PTPRB: variants seen among roughly 807,000 people sequenced by gnomAD.
The protein encoded by PTPRB is receptor-type tyrosine-protein phosphatase beta.
PTPRB carries 97 observed loss-of-function variants against 238.1 expected under a neutral mutation model. The ratio of observed to expected loss-of-function variants is 0.41; its 90% CI spans 0.35 to 0.48. PTPRB has a LOEUF of 0.48. PTPRB is among the 20% of genes least tolerant of loss of function. The pLI is 0.30. For synonymous variants in PTPRB, 970 were observed against 995.4 expected (o/e 0.97, Z 0.48); for missense variants, 2,292 against 2,681.9 (o/e 0.85, Z 3.21).
rs1223456122 is a variant in PTPRB at position 70,518,528 on chromosome 12, T to TA, written c.*2960dup. The stretch of plus-strand genomic sequence containing the variant: ...TATAAAAGATAATATGAACAGTAGA[T>TA]AAAAATCACATTCAACTGGGAAAAC... On this transcript the variant is annotated 3_prime_UTR_variant, in exon 34 of 34. Transcript: ENST00000334414. 1.3e-5 allele frequency: 2 copies of TA among 152,128 alleles called. No individual in the cohort carries two copies. Among genetic ancestry groups the TA allele is most frequent in the Non-Finnish European group, 2.9e-5 (2 of 68,036 alleles). 9.4% of individuals were successfully genotyped at this position (152,128 alleles called of 1,614,324 possible).
intron 2 of PTPRB, among the ~76,000 whole-genome samples, chr12:70,625,542 G>A (rs1338991905): frequency 3.4e-5 from 5 of 147,648 alleles, no homozygotes; most frequent in Admixed American, 6.8e-5. Flanking sequence ...AAATATATAA[G>A]ATGATTAAGT....
At chr12:70,532,730 C>G (rs1483186463) in intron 31 of PTPRB, among the ~76,000 whole-genome samples, 1 of 152,048 alleles carries the variant, frequency 6.6e-6, no homozygotes, top group African/African-American at 2.4e-5. Context: ...CAGCCTCGAC[C>G]TCCCAGGTTC....
In PTPRB at chr12:70,548,338, TCTCTCTCTCACACACACACA is replaced by T. The variant is rs1409089074; in HGVS notation, c.5388-3695_5388-3676del. Among the ~76,000 whole-genome samples, 21 of 38,424 alleles carry T rather than the reference TCTCTCTCTCACACACACACA, an allele frequency of 5.5e-4. 1 individual carries two copies. The East Asian group carries it at 0.013, about 24-fold the overall frequency. 25.2% of individuals were successfully genotyped at this position (38,424 alleles called of 152,430 possible). A position where few individuals can be genotyped will look rare whatever the true frequency, so the allele number is the denominator to read the frequency against. ...GCAAGACTCTCTCTCTCTCTCTCTC[TCTCTCTCTCACACACACACA>T]CACACACACACACACACACACACAC... is the stretch of plus-strand genomic sequence containing the variant. On this transcript the variant is annotated intron_variant, in intron 21 of 33. Coordinates refer to ENST00000334414, the MANE Select transcript of PTPRB (RefSeq NM_001109754.4).
At chr12:70,524,326 G>C (rs1872023806) in intron 33 of PTPRB, 145 bp downstream of exon 33, 1 of 818,606 alleles carries the variant, frequency 1.2e-6, no homozygotes, top group Non-Finnish European at 1.8e-6. Context: ...TGTTGCCCAG[G>C]CTGGTTTCAA....
rs759378099 is a variant in PTPRB, at chr12:70,524,492, C to T, written c.6604G>A (p.Val2202Met). ...ENPLFPIYEN[V>M]NPEYHRDPVY... ...CCACCTCTGTGATACTCTGGATTCA[C>T]ATTTTCATAGATTGGAAACAAGGGG... is the stretch of plus-strand genomic sequence containing the variant. Residue 2202 changes from valine (V) to methionine (M), a missense_variant, in exon 33 of 34, where the codon GTG (valine) becomes ATG (methionine). Coordinates refer to ENST00000334414, the MANE Select transcript of PTPRB (RefSeq NM_001109754.4). The T allele has an allele frequency of 1.9e-6, 3 of 1,612,156 alleles. No homozygotes were observed. Among genetic ancestry groups the T allele is most frequent in the Middle Eastern group, 1.7e-4 (1 of 6,056 alleles).
intron 9 of PTPRB, 70 bp downstream of exon 9, chr12:70,586,937 T>C: frequency 4.1e-6 from 6 of 1,455,006 alleles, no homozygotes; most frequent in Admixed American, 1.9e-5. Flanking sequence ...TGAATACTTG[T>C]AAATTGCATG....
intron 2 of PTPRB, among the ~76,000 whole-genome samples, chr12:70,627,488 A>G (rs2136596378): frequency 6.6e-6 from 1 of 152,310 alleles, no homozygotes; most frequent in East Asian, 1.9e-4. Context: ...ATTAGGAAAA[A>G]TGACAATTTT....
At chr12:70,557,460 CTCTT>C (rs1251113002) in intron 18 of PTPRB, among the ~76,000 whole-genome samples, 1 of 152,210 alleles carries the variant, frequency 6.6e-6, no homozygotes, top group Non-Finnish European at 1.5e-5. Flanking sequence ...CACTGAGTCT[CTCTT>C]TCATGGCAGT....
chr12:70,582,994 A>AT (rs1440763018), intron 9 of PTPRB, among the ~76,000 whole-genome samples: 4 of 152,196 alleles, frequency 2.6e-5, no homozygotes, highest in Admixed American at 6.5e-5. Flanking sequence ...ATGAGCTATC[A>AT]TTATCTTATT....
At chr12:70,625,687 T>C (rs1885142893) in intron 2 of PTPRB, among the ~76,000 whole-genome samples, 1 of 152,164 alleles carries the variant, frequency 6.6e-6, no homozygotes, top group Admixed American at 6.5e-5. Flanking sequence ...TGTTTCACAG[T>C]TCATGGAATA....
rs920814399 is a variant in PTPRB at position 70,539,118 on chromosome 12, C to T, written c.5779-104G>A. 9.8e-6 allele frequency: 9 copies of T among 917,874 alleles called. No individual in the cohort carries two copies. In the African/African-American group the frequency reaches 9.8e-5, roughly 10 times the overall value. The allele number at this position is 917,874 out of a possible 1,614,324, so 56.9% of individuals were successfully genotyped here. On this transcript the variant is annotated intron_variant, in intron 26 of 33. Transcript: ENST00000334414. ...AATAACATGAAAATATATACACTAG[C>T]TATTGTTTATGAATGCCTAGTACTC...
chr12:70,539,363 T>G (rs1400311813), intron 26 of PTPRB: 3 of 547,248 alleles, frequency 5.5e-6, no homozygotes, highest in Non-Finnish European at 9.7e-6. Flanking sequence ...AGGTCTGCAT[T>G]TGAGATTTGT....
At chr12:70,537,571 G>T (rs1186051409) in intron 28 of PTPRB, among the ~76,000 whole-genome samples, 1 of 152,152 alleles carries the variant, frequency 6.6e-6, no homozygotes, top group Non-Finnish European at 1.5e-5. Flanking sequence ...GTTGCTTGAG[G>T]TATGAGGTAA....
rs1177239083 is a variant in PTPRB, at chr12:70,536,005, C to T, written c.6081+20G>A. On this transcript the variant is annotated intron_variant, in intron 29 of 33. Transcript: ENST00000334414. ...GTGGCAGAAAGCAAAGCTTTGATGC[C>T]AGGAAGGCTGTTTACTCACTCGGCC... The T allele has an allele frequency of 2.5e-6, 4 of 1,610,348 alleles. No individual in the cohort carries two copies. Among genetic ancestry groups the T allele is most frequent in the Non-Finnish European group, 1.7e-6 (2 of 1,178,210 alleles).
intron 2 of PTPRB, among the ~76,000 whole-genome samples, chr12:70,626,307 C>CTATG: frequency 8.8e-6 from 1 of 113,972 alleles, no homozygotes; most frequent in South Asian, 2.8e-4. Flanking sequence ...ATCTATCTAT[C>CTATG]TATCTATCTA....
At chr12:70,567,806 C>T (rs1879498676) in intron 14 of PTPRB, among the ~76,000 whole-genome samples, 1 of 152,160 alleles carries the variant, frequency 6.6e-6, no homozygotes, top group African/African-American at 2.4e-5. Flanking sequence ...GATTTGGTCT[C>T]TCTACTTACC....
rs74101506 is a variant in PTPRB, at chr12:70,613,136, A to G, written c.709-3797T>C. ...CTTTGGACAGGGGTTTGAACTGGAC[A>G]TGGGGATGAGGGGCAGTGGTGTTGG... On this transcript the variant is annotated intron_variant, in intron 3 of 33. Coordinates refer to ENST00000334414, the MANE Select transcript of PTPRB (RefSeq NM_001109754.4). 7.0e-3 allele frequency among the ~76,000 whole-genome samples: 1,062 copies of G among 152,192 alleles called. 9 individuals are homozygous for G. Among genetic ancestry groups the G allele is most frequent in the African/African-American group, 0.024 (997 of 41,538 alleles).
intron 1 of PTPRB, among the ~76,000 whole-genome samples, chr12:70,636,399 T>C (rs1374648456): frequency 6.6e-6 from 1 of 151,924 alleles, no homozygotes; most frequent in African/African-American, 2.4e-5. Context: ...TAGTATATTT[T>C]AGCCCAATTA....
At chr12:70,536,925 C>T (rs564444592) in intron 28 of PTPRB, among the ~76,000 whole-genome samples, 1 of 152,352 alleles carries the variant, frequency 6.6e-6, no homozygotes, top group East Asian at 1.9e-4. Context: ...ATGGCAATCT[C>T]TAGCCTCTCG....
Sources: gnomAD v4.1 joint callset for allele counts (sites outside exome capture counted in the v4.1 genomes callset) on GRCh38, gnomAD v4.1.1 for gene constraint, MANE v1.5 for transcripts, NCBI Gene and HGNC (gene_info 2026-07-23, HGNC 2026-07-21) for gene names.